Variants in ZFHX3 observed in about 807,000 individuals in gnomAD.
ZFHX3 encodes zinc finger homeobox protein 3.
Under a neutral mutation model 279.1 loss-of-function variants are expected in ZFHX3, and 42 were observed. The ratio of observed to expected loss-of-function variants is 0.15; its 90% CI spans 0.12 to 0.19. The LOEUF (loss-of-function observed/expected upper bound fraction) is 0.19. ZFHX3 is among the 10% of genes least tolerant of loss of function. The pLI is 1.00. For synonymous variants in ZFHX3, 2,293 were observed against 1,957.8 expected (o/e 1.17, Z -4.52); for missense variants, 4,981 against 4,754.0 (o/e 1.05, Z -1.40).
At chr16:73,024,689 T>G (rs575606277) in intron 1 of ZFHX3, among the ~76,000 whole-genome samples, 1 of 152,370 alleles carries the variant, frequency 6.6e-6, no homozygotes, top group Admixed American at 6.5e-5. Flanking sequence ...AGAAGCGGGT[T>G]ACCCTGATTT....
chr16:73,230,365 G>T (rs1009358278), intron 5 of ZFHX3, among the ~76,000 whole-genome samples: 17 of 152,152 alleles, frequency 1.1e-4, no homozygotes, highest in African/African-American at 4.1e-4. Flanking sequence ...TTTTAGGAAC[G>T]TATGGACTGG....
intron 3 of ZFHX3, among the ~76,000 whole-genome samples, chr16:72,890,458 G>C (rs1370116004): frequency 6.6e-6 from 1 of 151,044 alleles, no homozygotes; most frequent in East Asian, 1.9e-4. Flanking sequence ...GCACGGTAAT[G>C]GACTAATGAG....
At chr16:72,970,415 C>T (rs1245709834) in intron 1 of ZFHX3, among the ~76,000 whole-genome samples, 2 of 152,304 alleles carry the variant, frequency 1.3e-5, no homozygotes, top group South Asian at 2.1e-4. Flanking sequence ...TACCCTGAGT[C>T]ACGTGGAGGC....
intron 3 of ZFHX3, among the ~76,000 whole-genome samples, chr16:73,434,121 A>G (rs1041465695): frequency 5.3e-4 from 81 of 152,342 alleles, no homozygotes; most frequent in African/African-American, 1.9e-3. Flanking sequence ...CACACACTGT[A>G]ATTCAGAATA....
intron 2 of ZFHX3, among the ~76,000 whole-genome samples, chr16:73,484,906 C>T (rs951644121): frequency 6.6e-6 from 1 of 151,952 alleles, no homozygotes; most frequent in Admixed American, 6.6e-5. Flanking sequence ...TATAAATCTA[C>T]TTGGATAACT....
At chr16:72,916,972 C>G (rs1047858084) in intron 3 of ZFHX3, among the ~76,000 whole-genome samples, 1 of 152,158 alleles carries the variant, frequency 6.6e-6, no homozygotes, top group Non-Finnish European at 1.5e-5. Flanking sequence ...GGTGCAGTGG[C>G]TCACACCTGT....
intron 3 of ZFHX3, among the ~76,000 whole-genome samples, chr16:73,351,778 C>G (rs909161654): frequency 6.6e-6 from 1 of 151,288 alleles, no homozygotes; most frequent in African/African-American, 2.4e-5. Flanking sequence ...GGGTCTCCAG[C>G]CTTCCAGGGG....
chr16:72,900,714 G>A (rs1013780194), intron 3 of ZFHX3, among the ~76,000 whole-genome samples: 4 of 152,186 alleles, frequency 2.6e-5, no homozygotes, highest in African/African-American at 4.8e-5. Flanking sequence ...GATCGCTGGG[G>A]CCATCCCAAG....
intron 4 of ZFHX3, among the ~76,000 whole-genome samples, chr16:72,844,105 T>G (rs1201410930): frequency 6.6e-6 from 1 of 152,156 alleles, no homozygotes; most frequent in African/African-American, 2.4e-5. Flanking sequence ...CCCAAATGGC[T>G]TGGGGCAGAG....
intron 1 of ZFHX3, among the ~76,000 whole-genome samples, chr16:73,684,812 T>C (rs1241318470): frequency 6.6e-6 from 1 of 151,610 alleles, no homozygotes; most frequent in Non-Finnish European, 1.5e-5. Flanking sequence ...GCAATTCTCC[T>C]GCTTCAGCCT....
chr16:73,198,668 T>C (rs1018612588), intron 5 of ZFHX3, among the ~76,000 whole-genome samples: 1 of 152,136 alleles, frequency 6.6e-6, no homozygotes, highest in East Asian at 1.9e-4. Context: ...CCAGATTCAG[T>C]TGGTGGCTCA....
chr16:73,442,940 C>T lies in ZFHX3; in HGVS notation c.-1291+13063G>A, dbSNP rs148016951. Reference sequence around the variant, plus strand: ...TTTTATTTTATTTATTTTGTAGAGACGGGGTCTCACCATGTTGCCCAAGCT... The same window carrying T: ...TTTTATTTTATTTATTTTGTAGAGATGGGGTCTCACCATGTTGCCCAAGCT... On this transcript the variant is annotated intron_variant, in intron 3 of 17. Transcript: ENST00000641206. 5.0e-3 allele frequency among the ~76,000 whole-genome samples: 766 copies of T among 152,224 alleles called. 2 individuals are homozygous for T. Among genetic ancestry groups the T allele is most frequent in the Middle Eastern group, 0.01 (3 of 294 alleles).
At position 73,007,365 on chromosome 16, in the gene ZFHX3, G is replaced by C. The variant is rs949966080; in HGVS notation, c.-50+40387C>G. Among the ~76,000 whole-genome samples the C allele has an allele frequency of 3.9e-5, 6 of 152,156 alleles. 1 individual carries two copies. In the South Asian group the frequency reaches 1.2e-3, roughly 32 times the overall value. ...TCTATTCCCTGAAACAGTGTATTTA[G>C]CAGGCAATTATAGCATCCCTCTAAG... On this transcript the variant is annotated intron_variant, in intron 1 of 9. Transcript: ENST00000268489.
At chr16:73,439,560 G>A (rs2018050880) in intron 3 of ZFHX3, among the ~76,000 whole-genome samples, 1 of 152,124 alleles carries the variant, frequency 6.6e-6, no homozygotes, top group Admixed American at 6.5e-5. Context: ...CACTCCCTGT[G>A]TGATGTATGA....
At chr16:73,254,794 A>G (rs1222991907) in intron 5 of ZFHX3, among the ~76,000 whole-genome samples, 1 of 152,188 alleles carries the variant, frequency 6.6e-6, no homozygotes, top group African/African-American at 2.4e-5. Context: ...TAGCTCTATA[A>G]CTGCAAGGTT....
At chr16:73,454,685 A>G (rs2143566835) in intron 3 of ZFHX3, among the ~76,000 whole-genome samples, 1 of 151,874 alleles carries the variant, frequency 6.6e-6, no homozygotes, top group African/African-American at 2.4e-5. Flanking sequence ...CAGTTAGGGT[A>G]TCACCCCCCT....
At chr16:73,703,701 C>T (rs761611198) in intron 1 of ZFHX3, among the ~76,000 whole-genome samples, 7 of 152,116 alleles carry the variant, frequency 4.6e-5, no homozygotes, top group Non-Finnish European at 4.4e-5. Flanking sequence ...AGACACTGGA[C>T]TGGACTTTGC....
intron 6 of ZFHX3, among the ~76,000 whole-genome samples, chr16:73,135,540 G>A (rs73593193): frequency 0.025 from 3,781 of 152,204 alleles, 164 homozygotes; most frequent in African/African-American, 0.084. Flanking sequence ...TTTTAGTTCC[G>A]AATCGCTCAC....
At chr16:73,663,026 C>T (rs964957818) in intron 2 of ZFHX3, among the ~76,000 whole-genome samples, 1 of 152,082 alleles carries the variant, frequency 6.6e-6, no homozygotes, top group African/African-American at 2.4e-5. Flanking sequence ...TATAGGCATA[C>T]TCCAAAACTC....
Sources: allele counts gnomAD v4.1 joint callset (sites outside exome capture counted in the v4.1 genomes callset), GRCh38; gene constraint gnomAD v4.1.1; transcripts MANE v1.5; gene names NCBI Gene and HGNC (gene_info 2026-07-23, HGNC 2026-07-21).